The following ARHGAP26 variants were observed in gnomAD, a reference collection of about 807,000 sequenced individuals.
ARHGAP26 encodes the protein rho GTPase-activating protein 26.
In ARHGAP26, 38 loss-of-function variants were observed where a neutral mutation model predicts 104.8. That is an observed-to-expected ratio of 0.36 (90% confidence interval 0.28 to 0.48). The LOEUF is 0.48. ARHGAP26 is among the 20% of genes least tolerant of loss of function. The probability of loss-of-function intolerance (pLI) is 0.99; values close to 1 mark genes in which losing one functional copy is unlikely to be tolerated. For missense variants in ARHGAP26, 704 were observed against 947.9 expected (o/e 0.74, Z 3.38); for synonymous variants, 341 against 340.0 (o/e 1.00, Z -0.03).
chr5:142,923,463 A>G (rs1461329512), intron 10 of ARHGAP26, among the ~76,000 whole-genome samples: 1 of 152,204 alleles, frequency 6.6e-6, no homozygotes, highest in Non-Finnish European at 1.5e-5. Flanking sequence ...ATAGTTTGTT[A>G]TCAATAGTAG....
chr5:142,866,071 A>C (rs991366332), intron 1 of ARHGAP26, among the ~76,000 whole-genome samples: 3 of 149,704 alleles, frequency 2.0e-5, no homozygotes, highest in African/African-American at 7.4e-5. Context: ...CAATGGCCCT[A>C]GCCGGAATAA....
intron 1 of ARHGAP26, 108 bp downstream of exon 1, chr5:142,771,023 A>T: frequency 1.4e-6 from 2 of 1,455,284 alleles, no homozygotes; most frequent in South Asian, 2.9e-5. Flanking sequence ...CTCCCGGTAC[A>T]CTGGGGGACG....
intron 20 of ARHGAP26, among the ~76,000 whole-genome samples, chr5:143,175,108 G>A (rs1007249252): frequency 5.9e-5 from 9 of 152,300 alleles, no homozygotes; most frequent in African/African-American, 2.2e-4. Flanking sequence ...GAGCCCAAAT[G>A]TTCTCTCTGC....
intron 5 of ARHGAP26, among the ~76,000 whole-genome samples, chr5:142,890,114 T>C (rs191468398): frequency 0.051 from 5,688 of 110,858 alleles, 149 homozygotes; most frequent in Middle Eastern, 0.17. Context: ...CCAGCCTGGG[T>C]AACAAGAGCG....
At chr5:142,780,276 C>G (rs939944685) in intron 1 of ARHGAP26, among the ~76,000 whole-genome samples, 3 of 152,276 alleles carry the variant, frequency 2.0e-5, no homozygotes, top group African/African-American at 7.2e-5. Context: ...TAGATTATTT[C>G]CAACCTTTCA....
chr5:143,210,161 T>C (rs1307740408), intron 21 of ARHGAP26, among the ~76,000 whole-genome samples: 1 of 151,962 alleles, frequency 6.6e-6, no homozygotes, highest in East Asian at 1.9e-4. Flanking sequence ...GAAAAAGACG[T>C]TTAACGGACT....
At chr5:142,786,443 C>T (rs930978846) in intron 1 of ARHGAP26, among the ~76,000 whole-genome samples, 1 of 151,982 alleles carries the variant, frequency 6.6e-6, no homozygotes, top group African/African-American at 2.4e-5. Flanking sequence ...ACTAGAGGAG[C>T]ATGCTACCAT....
chr5:142,951,012 C>T (rs60882886), intron 11 of ARHGAP26, among the ~76,000 whole-genome samples: 13 of 6,886 alleles, frequency 1.9e-3, no homozygotes, highest in East Asian at 9.5e-3. Context: ...TTTCCCTTTC[C>T]CTTTCCCTTT....
chr5:143,029,174 T>TGAACA (rs1218082623), intron 12 of ARHGAP26, among the ~76,000 whole-genome samples: 3 of 152,182 alleles, frequency 2.0e-5, no homozygotes, highest in Non-Finnish European at 4.4e-5. Context: ...TTTATGTTCA[T>TGAACA]TTCAATGTGG....
chr5:143,122,698 G>A (rs1796286257), intron 18 of ARHGAP26, among the ~76,000 whole-genome samples: 1 of 152,230 alleles, frequency 6.6e-6, no homozygotes, highest in Admixed American at 6.5e-5. Context: ...TACTTTCCTT[G>A]TAAAAGTTAA....
chr5:143,183,196 G>C (rs1376081841), intron 20 of ARHGAP26, among the ~76,000 whole-genome samples: 1 of 151,894 alleles, frequency 6.6e-6, no homozygotes, highest in East Asian at 1.9e-4. Flanking sequence ...ACAGTGCTTT[G>C]CCAAATATTT....
At chr5:143,128,976 C>T (rs1316451750) in intron 18 of ARHGAP26, among the ~76,000 whole-genome samples, 1 of 152,140 alleles carries the variant, frequency 6.6e-6, no homozygotes, top group South Asian at 2.1e-4. Flanking sequence ...GACTCCTAAT[C>T]CTTTTAAATT....
Position 142,892,283 on chromosome 5 carries a change from A to G in ARHGAP26, c.487-1955A>G, listed in dbSNP as rs1758771163. On this transcript the variant is annotated intron_variant, in intron 5 of 22. Transcript: ENST00000645722. ...TAAGAATCTGTCTCCCATGGAACCC[A>G]GGTTGTCCCAGGGTATGGGGAGACA... Among the ~76,000 whole-genome samples, 5 of 151,900 alleles carry G rather than the reference A, an allele frequency of 3.3e-5. 1 individual carries two copies. Among genetic ancestry groups the G allele is most frequent in the Admixed American group, 3.3e-4 (5 of 15,270 alleles).
intron 1 of ARHGAP26, among the ~76,000 whole-genome samples, chr5:142,785,076 G>A (rs13357476): frequency 0.03 from 4,575 of 151,830 alleles, 186 homozygotes; most frequent in African/African-American, 0.097. Context: ...GTCTACAGGC[G>A]CCCACCACCA....
intron 17 of ARHGAP26, among the ~76,000 whole-genome samples, chr5:143,064,335 G>A (rs1321173673): frequency 1.3e-5 from 2 of 151,378 alleles, no homozygotes; most frequent in African/African-American, 2.4e-5. Context: ...GGAGCTCGAT[G>A]TTTGGTGAAT....
At chr5:142,978,136 T>C (rs1046065655) in intron 11 of ARHGAP26, among the ~76,000 whole-genome samples, 1 of 152,220 alleles carries the variant, frequency 6.6e-6, no homozygotes, top group Non-Finnish European at 1.5e-5. Context: ...TCTGCTTTAA[T>C]TGGCGTGGGG....
At chr5:143,195,285 T>C (rs1806644508) in intron 20 of ARHGAP26, among the ~76,000 whole-genome samples, 1 of 152,198 alleles carries the variant, frequency 6.6e-6, no homozygotes, top group Non-Finnish European at 1.5e-5. Context: ...AATATTATAG[T>C]AGGCTCCTTA....
At chr5:142,927,822 A>G (rs1227346673) in intron 10 of ARHGAP26, among the ~76,000 whole-genome samples, 1 of 152,080 alleles carries the variant, frequency 6.6e-6, no homozygotes, top group Non-Finnish European at 1.5e-5. Context: ...TTTTGCCAGT[A>G]TTGGTTATTG....
At chr5:143,145,093 C>G (rs1274013929) in intron 19 of ARHGAP26, among the ~76,000 whole-genome samples, 4 of 152,220 alleles carry the variant, frequency 2.6e-5, no homozygotes, top group African/African-American at 7.2e-5. Context: ...CCTTATGATA[C>G]ATTTTTATAC....
Sources: allele counts gnomAD v4.1 joint callset (sites outside exome capture counted in the v4.1 genomes callset), GRCh38; gene constraint gnomAD v4.1.1; transcripts MANE v1.5; gene names NCBI Gene and HGNC (gene_info 2026-07-23, HGNC 2026-07-21).